Variants in NOL11 observed in about 807,000 individuals in gnomAD.
The protein encoded by NOL11 is nucleolar protein 11.
A neutral mutation model predicts 93.0 loss-of-function variants in NOL11; 42 were observed. That is an observed-to-expected ratio of 0.45 (90% CI 0.35 to 0.58). NOL11 has a LOEUF of 0.58. NOL11 is among the 20% of genes least tolerant of loss of function. The pLI, the probability that NOL11 is intolerant of heterozygous loss-of-function variation, is 0.00. For missense variants in NOL11, 775 were observed against 841.8 expected (o/e 0.92, Z 0.98); for synonymous variants, 296 against 293.7 (o/e 1.01, Z -0.08).
intron 16 of NOL11, among the ~76,000 whole-genome samples, chr17:67,741,852 C>T (rs1234261786): frequency 1.3e-5 from 2 of 152,208 alleles, no homozygotes; most frequent in African/African-American, 4.8e-5. Context: ...GCTTAAGCCA[C>T]CGCACCCGGC....
chr17:67,736,704 C>A lies in NOL11; in HGVS notation c.1093C>A (p.Pro365Thr). Residue 365 changes from proline (P) to threonine (T), a missense_variant, in exon 10 of 18, where the codon CCT becomes ACT. By Grantham distance (38) the Pro-to-Thr change is conservative. Around this residue, in one of 2 missense-constraint regions of NOL11, gnomAD observed 416 missense variants for 525.2 expected, o/e 0.79. Transcript: ENST00000253247. ...GTCCCATTTTGTAAACTGGGAGACACCTCAAGGATGTGGACTTGGGTTCCA... is the reference window on the plus strand; with the variant it reads ...GTCCCATTTTGTAAACTGGGAGACAACTCAAGGATGTGGACTTGGGTTCCA... ...VVSHFVNWETPQGCGLGFQNS... is the reference protein window; with the variant it reads ...VVSHFVNWETTQGCGLGFQNS... 1 of 1,613,154 alleles carries A rather than the reference C, an allele frequency of 6.2e-7. No homozygotes were observed.
chr17:67,743,896 T>C lies in NOL11; in HGVS notation c.*37T>C. On this transcript the variant is annotated 3_prime_UTR_variant, in exon 18 of 18. Coordinates refer to ENST00000253247, the MANE Select transcript of NOL11 (RefSeq NM_015462.5). ...CTCCTTCATAGACATTTTATAAAGC[T>C]CTTTTATGTGAACTCTTGCTTCATC... 9.4e-7 allele frequency: 1 copy of C among 1,060,530 alleles called. No homozygotes were observed. The highest frequency in any genetic ancestry group is 1.5e-5 in the South Asian group (1 of 67,788). 65.7% of individuals were successfully genotyped at this position (1,060,530 alleles called of 1,614,324 possible). A position where few individuals can be genotyped will look rare whatever the true frequency, so the allele number is the denominator to read the frequency against.
chr17:67,733,748 C>T (rs974537841), intron 7 of NOL11, among the ~76,000 whole-genome samples: 2 of 152,008 alleles, frequency 1.3e-5, no homozygotes, highest in African/African-American at 4.8e-5. Flanking sequence ...TTGTGTCAAC[C>T]GAGGTGATCA....
intron 7 of NOL11, 98 bp from the exon 8 acceptor site, chr17:67,734,265 A>T: frequency 1.4e-6 from 1 of 702,834 alleles, no homozygotes; most frequent in South Asian, 1.7e-5. Context: ...TTCTATACTA[A>T]AGCAAAGCAT....
rs1166657341 is a variant in NOL11, at chr17:67,735,868, T to A, written c.931-32T>A. Reference sequence around the variant, plus strand: ...AGTCATACCTTAGAAGAGAAAAAAATTTGCTTATGTTTTTGATAACTTTTT... The same window carrying A: ...AGTCATACCTTAGAAGAGAAAAAAAATTGCTTATGTTTTTGATAACTTTTT... On this transcript the variant is annotated intron_variant, in intron 8 of 17. Transcript: ENST00000253247. 2.5e-6 allele frequency: 4 copies of A among 1,587,344 alleles called. No individual in the cohort carries two copies. The African/African-American group carries it at 5.4e-5, about 22-fold the overall frequency.
rs760085361 is a variant in NOL11 at position 67,718,122 on chromosome 17, C to T, written c.141+34C>T. The T allele has an allele frequency of 2.3e-5, 37 of 1,595,756 alleles. No individual in the cohort carries two copies. In the South Asian group the frequency reaches 4.0e-4, roughly 17 times the overall value. On this transcript the variant is annotated intron_variant, in intron 1 of 17. Transcript: ENST00000253247. ...AATAGGTTTGGGAGCGCCCCGACTG[C>T]CTTCTCGCCCCTTTCTGAGCGCGGA... is the stretch of plus-strand genomic sequence containing the variant.
At chr17:67,732,683 C>T (rs759372285) in intron 7 of NOL11, among the ~76,000 whole-genome samples, 3 of 151,384 alleles carry the variant, frequency 2.0e-5, no homozygotes, top group Non-Finnish European at 4.4e-5. Flanking sequence ...AAGCAGTTCT[C>T]CTGCCTCAAC....
In NOL11 at chr17:67,723,958, G is replaced by A. The variant is rs2055061411; in HGVS notation, c.520-91G>A. On this transcript the variant is annotated intron_variant, in intron 5 of 17. Transcript: ENST00000253247. ...TGTTTTTAAGTACTCATTGATGTAA[G>A]TAGAATGGGGTGACAACTTCTGGTT... The A allele has an allele frequency of 9.5e-6, 8 of 842,354 alleles. No homozygotes were observed. The South Asian group carries it at 1.4e-4, about 15-fold the overall frequency. 52.2% of individuals were successfully genotyped at this position (842,354 alleles called of 1,614,324 possible). A position where few individuals can be genotyped will look rare whatever the true frequency, so the allele number is the denominator to read the frequency against.
chr17:67,725,332 T>C (rs575940893), intron 6 of NOL11, among the ~76,000 whole-genome samples: 2 of 152,242 alleles, frequency 1.3e-5, no homozygotes, highest in South Asian at 2.1e-4. Context: ...CTTTTTATTA[T>C]AGATTGTAAT....
intron 3 of NOL11, among the ~76,000 whole-genome samples, chr17:67,720,179 A>G (rs906068293): frequency 2.0e-5 from 3 of 152,152 alleles, no homozygotes. Context: ...AGAAATTTAT[A>G]CTTATTTCCA....
intron 5 of NOL11, among the ~76,000 whole-genome samples, chr17:67,723,604 G>A (rs1196555593): frequency 6.6e-6 from 1 of 151,320 alleles, no homozygotes; most frequent in Non-Finnish European, 1.5e-5. Flanking sequence ...GGTCAGGCTG[G>A]TCTCGAACTC....
At chr17:67,722,460 CTG>C in intron 4 of NOL11, 118 bp from the exon 5 acceptor site, 22 of 1,422,850 alleles carry the variant, frequency 1.5e-5, no homozygotes, top group Non-Finnish European at 1.9e-5. Context: ...TAAGTGTTCT[CTG>C]ATGTCTTTCT....
intron 5 of NOL11, 65 bp downstream of exon 5, chr17:67,722,702 A>G: frequency 6.6e-7 from 1 of 1,511,280 alleles, no homozygotes; most frequent in African/African-American, 1.5e-5. Context: ...AAATTTATTT[A>G]GAGACAGGGT....
intron 7 of NOL11, among the ~76,000 whole-genome samples, chr17:67,727,555 G>T (rs1487741413): frequency 6.6e-6 from 1 of 152,154 alleles, no homozygotes; most frequent in Non-Finnish European, 1.5e-5. Flanking sequence ...TACTCAGGGG[G>T]CTGAGGCAGG....
intron 7 of NOL11, among the ~76,000 whole-genome samples, chr17:67,731,941 G>A (rs1398348508): frequency 6.6e-6 from 1 of 152,116 alleles, no homozygotes; most frequent in Non-Finnish European, 1.5e-5. Context: ...GTTTGTTTTT[G>A]CTGTTTAGGC....
At chr17:67,734,637 T>A (rs533347345) in intron 8 of NOL11, among the ~76,000 whole-genome samples, 198 bp downstream of exon 8, 50 of 152,334 alleles carry the variant, frequency 3.3e-4, no homozygotes, top group Admixed American at 8.5e-4. Context: ...TCTTTGAACC[T>A]AAATATTTTG....
intron 14 of NOL11, chr17:67,738,678 T>TA (rs201285179): frequency 0.033 from 12,039 of 360,478 alleles, 1 homozygote; most frequent in Middle Eastern, 0.045. Flanking sequence ...ACATCAGATT[T>TA]AAAAAAAAAA....
chr17:67,727,918 CAAAAAAAAAAAA>C (rs57241605), intron 7 of NOL11, among the ~76,000 whole-genome samples: 1 of 112,606 alleles, frequency 8.9e-6, no homozygotes, highest in Non-Finnish European at 1.8e-5. Context: ...GACTTTGTCT[CAAAAAAAAAAAA>C]AAAAAAAAAA....
At chr17:67,734,194 T>G (rs185887653) in intron 7 of NOL11, among the ~76,000 whole-genome samples, 169 bp from the exon 8 acceptor site, 1 of 152,316 alleles carries the variant, frequency 6.6e-6, no homozygotes, top group Admixed American at 6.5e-5. Flanking sequence ...TCCAGGCTTC[T>G]TCTTACCATG....
Sources: allele counts gnomAD v4.1 joint callset (sites outside exome capture counted in the v4.1 genomes callset), GRCh38; gene constraint gnomAD v4.1.1; regional missense constraint gnomAD v4.1.1; transcripts MANE v1.5; gene names NCBI Gene and HGNC (gene_info 2026-07-23, HGNC 2026-07-21).